Variants in UHRF2 observed in about 807,000 individuals in gnomAD.
UHRF2 encodes ubiquitin like with PHD and ring finger domains 2.
Under a neutral mutation model 96.8 loss-of-function variants are expected in UHRF2, and 23 were observed. The observed-to-expected ratio is 0.24, with a 90% confidence interval of 0.17 to 0.34. UHRF2 has a LOEUF of 0.34. Among genes scored for constraint, UHRF2 ranks in the 10% least tolerant of loss-of-function variants. UHRF2 has a pLI of 1.00. For missense variants in UHRF2, 685 were observed against 981.5 expected (o/e 0.70, Z 4.04); for synonymous variants, 385 against 332.6 (o/e 1.16, Z -1.72).
intron 2 of UHRF2, among the ~76,000 whole-genome samples, chr9:6,431,070 T>C (rs1350103972): frequency 6.6e-6 from 1 of 152,224 alleles, no homozygotes; most frequent in Non-Finnish European, 1.5e-5. Context: ...TGTGTTCATA[T>C]TAATCATACA....
At chr9:6,474,335 C>T (rs1033090583) in intron 4 of UHRF2, among the ~76,000 whole-genome samples, 2 of 152,194 alleles carry the variant, frequency 1.3e-5, no homozygotes, top group Non-Finnish European at 2.9e-5. Flanking sequence ...ATTCAGAATG[C>T]ATTACTAGAG....
chr9:6,469,416 G>A (rs746768889), intron 4 of UHRF2, among the ~76,000 whole-genome samples: 15 of 151,990 alleles, frequency 9.9e-5, no homozygotes, highest in Non-Finnish European at 1.9e-4. Flanking sequence ...TACTCGGGAG[G>A]CTGAGGCAGG....
intron 9 of UHRF2, among the ~76,000 whole-genome samples, chr9:6,491,372 G>A (rs534070018): frequency 6.6e-6 from 1 of 152,268 alleles, no homozygotes; most frequent in African/African-American, 2.4e-5. Flanking sequence ...TTAATTATAC[G>A]TAAAATGCTT....
chr9:6,456,175 C>T (rs1822160670), intron 3 of UHRF2, among the ~76,000 whole-genome samples: 1 of 152,122 alleles, frequency 6.6e-6, no homozygotes, highest in East Asian at 1.9e-4. Context: ...AGAGAGCTGG[C>T]TACATGTAAA....
intron 3 of UHRF2, among the ~76,000 whole-genome samples, chr9:6,444,499 A>G (rs1478461103): frequency 6.6e-6 from 1 of 152,218 alleles, no homozygotes; most frequent in Non-Finnish European, 1.5e-5. Context: ...GGTCAGAAAC[A>G]CTGCATTTTC....
intron 1 of UHRF2, among the ~76,000 whole-genome samples, chr9:6,416,011 A>G (rs370091799): frequency 6.6e-6 from 1 of 152,094 alleles, no homozygotes; most frequent in Non-Finnish European, 1.5e-5. Flanking sequence ...TCTCCAGGTG[A>G]TCTGTATGTA....
chr9:6,436,536 A>G (rs1007467731), intron 3 of UHRF2, among the ~76,000 whole-genome samples: 3 of 152,242 alleles, frequency 2.0e-5, no homozygotes, highest in African/African-American at 7.2e-5. Context: ...ACTACCTTGA[A>G]TCTGATTCTG....
At chr9:6,428,533 C>CTTTTT (rs1171172143) in intron 2 of UHRF2, among the ~76,000 whole-genome samples, 1 of 65,420 alleles carries the variant, frequency 1.5e-5, no homozygotes, top group African/African-American at 6.7e-5. Flanking sequence ...ATTGCTTTTG[C>CTTTTT]TTTTTTTTTT....
At chr9:6,435,290 G>C (rs1170436998) in intron 3 of UHRF2, among the ~76,000 whole-genome samples, 3 of 151,942 alleles carry the variant, frequency 2.0e-5, no homozygotes, top group African/African-American at 7.3e-5. Flanking sequence ...CACCACACCT[G>C]GCCGGCTAAT....
chr9:6,506,454 G>C lies in UHRF2; in HGVS notation c.*275G>C. On this transcript the variant is annotated 3_prime_UTR_variant, in exon 16 of 16. Transcript: ENST00000276893. ...TGATATCCAAGTTATGATTTATTTT[G>C]CAACTACCTCAGGACAGAAAAGATT... The C allele has an allele frequency of 7.8e-6, 2 of 257,948 alleles. No individual in the cohort carries two copies. The allele number at this position is 257,948 out of a possible 1,614,324, so 16.0% of individuals were successfully genotyped here.
chr9:6,492,318 A>G (rs1376462164), intron 9 of UHRF2: 2 of 1,254,064 alleles, frequency 1.6e-6, no homozygotes, highest in Non-Finnish European at 2.1e-6. Context: ...AGAGTTATGA[A>G]TATGAATATT....
intron 1 of UHRF2, among the ~76,000 whole-genome samples, chr9:6,418,286 G>A (rs1485027898): frequency 6.7e-6 from 1 of 148,848 alleles, no homozygotes; most frequent in Non-Finnish European, 1.5e-5. Flanking sequence ...TTTAAATCAA[G>A]GAAGCAATAT....
chr9:6,489,537 A>G (rs578006428), intron 9 of UHRF2, among the ~76,000 whole-genome samples: 6 of 152,344 alleles, frequency 3.9e-5, no homozygotes, highest in Admixed American at 2.6e-4. Context: ...TATCGGCAGT[A>G]TATGAGTGAT....
At position 6,498,149 on chromosome 9, in the gene UHRF2, A is replaced by C. The variant is rs190299400; in HGVS notation, c.1899A>C (p.Leu633=). The change falls in exon 12 of 16, where the codon CTA becomes CTC. Residue 633 remains leucine, a synonymous_variant. Coordinates refer to ENST00000276893, the MANE Select transcript of UHRF2 (RefSeq NM_152896.3). Reference sequence around the variant, plus strand: ...TAGAACGGTCAAGGAGATTATGTCTACGTTTACAGGTTAGATTACATTTGT... The same window carrying C: ...TAGAACGGTCAAGGAGATTATGTCTCCGTTTACAGGTTAGATTACATTTGT... ...EGIERSRRLC[L]RLQYPAGYPS... is the part of the protein sequence containing the mutation. The C allele has an allele frequency of 6.2e-7, 1 of 1,613,278 alleles. No homozygotes were observed. The highest frequency in any genetic ancestry group is 1.3e-5 in the African/African-American group (1 of 74,864).
At chr9:6,493,148 G>T (rs1384172890) in intron 9 of UHRF2, among the ~76,000 whole-genome samples, 3 of 151,944 alleles carry the variant, frequency 2.0e-5, no homozygotes, top group African/African-American at 7.2e-5. Context: ...AAATACAAAA[G>T]CTAGACAGGC....
intron 4 of UHRF2, chr9:6,468,624 A>G (rs975134902): frequency 2.2e-6 from 1 of 456,106 alleles, no homozygotes; most frequent in Non-Finnish European, 4.4e-6. Context: ...GATATTTGGG[A>G]TGCCTCAAGC....
At chr9:6,482,907 T>C (rs1394781431) in intron 8 of UHRF2, among the ~76,000 whole-genome samples, 2 of 152,174 alleles carry the variant, frequency 1.3e-5, no homozygotes, top group Non-Finnish European at 2.9e-5. Context: ...TTATATTGAA[T>C]GGCCCTGGTA....
chr9:6,446,566 G>A (rs1821518672), intron 3 of UHRF2, among the ~76,000 whole-genome samples: 1 of 151,630 alleles, frequency 6.6e-6, no homozygotes, highest in Admixed American at 6.6e-5. Context: ...ATAATACTTA[G>A]ATCTGGGCAC....
chr9:6,492,313 T>C, intron 9 of UHRF2: 1 of 1,253,088 alleles, frequency 8.0e-7, no homozygotes, highest in Middle Eastern at 2.2e-4. Context: ...TTGACAGAGT[T>C]ATGAATATGA....
Sources: allele counts gnomAD v4.1 joint callset (sites outside exome capture counted in the v4.1 genomes callset), GRCh38; gene constraint gnomAD v4.1.1; transcripts MANE v1.5; gene names NCBI Gene and HGNC (gene_info 2026-07-23, HGNC 2026-07-21).